The following MNAT1 variants were observed in gnomAD, a reference collection of about 807,000 sequenced individuals.
The protein encoded by MNAT1 is MNAT1 component of CDK activating kinase.
A neutral mutation model predicts 42.0 loss-of-function variants in MNAT1; 43 were observed. The observed-to-expected ratio is 1.02, with a 90% CI of 0.80 to 1.32. The LOEUF (loss-of-function observed/expected upper bound fraction) is 1.32. MNAT1 is among the 40% of genes most tolerant of loss of function. The pLI is 0.00. For synonymous variants in MNAT1, 118 were observed against 120.0 expected, an observed-to-expected ratio of 0.98 and a Z score of 0.11; for missense variants, 306 against 350.4, an observed-to-expected ratio of 0.87 and a Z score of 1.01.
chr14:60,955,650 A>G (rs187630999), intron 7 of MNAT1, among the ~76,000 whole-genome samples: 6 of 152,320 alleles, frequency 3.9e-5, no homozygotes, highest in African/African-American at 1.2e-4. Flanking sequence ...AACAAGAACA[A>G]AACTCTGTCT....
intron 6 of MNAT1, among the ~76,000 whole-genome samples, chr14:60,832,141 C>G (rs1251844020): frequency 6.6e-6 from 1 of 152,186 alleles, no homozygotes; most frequent in Non-Finnish European, 1.5e-5. Flanking sequence ...CCTATTCACT[C>G]TGATGACAGT....
intron 7 of MNAT1, among the ~76,000 whole-genome samples, chr14:60,956,029 T>A (rs2036482002): frequency 6.6e-6 from 1 of 152,136 alleles, no homozygotes; most frequent in Non-Finnish European, 1.5e-5. Context: ...CTGATCTTTA[T>A]TTCCATCCTG....
chr14:60,885,285 A>C (rs1293791475), intron 7 of MNAT1, among the ~76,000 whole-genome samples: 3 of 151,364 alleles, frequency 2.0e-5, no homozygotes, highest in South Asian at 2.1e-4. Context: ...TTCTACCCTC[A>C]TCTCTCTCTC....
intron 1 of MNAT1, among the ~76,000 whole-genome samples, chr14:60,781,975 T>TGA (rs1566763317): frequency 0.19 from 24,292 of 128,866 alleles, 2,304 homozygotes; most frequent in Non-Finnish European, 0.25. Context: ...GTGTGTGTGA[T>TGA]TTTTTTTTTT....
intron 1 of MNAT1, among the ~76,000 whole-genome samples, chr14:60,766,918 A>G (rs921550923): frequency 3.3e-5 from 5 of 152,234 alleles, no homozygotes; most frequent in Non-Finnish European, 7.3e-5. Flanking sequence ...AAATGCAAGA[A>G]TAAATATTCT....
chr14:60,946,514 C>CTTTTTG (rs530212803), intron 7 of MNAT1, among the ~76,000 whole-genome samples: 1 of 151,988 alleles, frequency 6.6e-6, no homozygotes, highest in African/African-American at 2.4e-5. Context: ...ACACTACTTC[C>CTTTTTG]TTTTTGTTTT....
intron 1 of MNAT1, among the ~76,000 whole-genome samples, chr14:60,754,532 G>C (rs572622251): frequency 6.6e-6 from 1 of 151,806 alleles, no homozygotes; most frequent in East Asian, 1.9e-4. Context: ...TTTATTTTTA[G>C]TAGAGACGGG....
At chr14:60,753,072 GTTAT>G (rs2030170097) in intron 1 of MNAT1, among the ~76,000 whole-genome samples, 1 of 152,186 alleles carries the variant, frequency 6.6e-6, no homozygotes, top group East Asian at 1.9e-4. Context: ...GCTTGCACTA[GTTAT>G]TTATTGCTGT....
chr14:60,926,791 C>A (rs1306311887), intron 7 of MNAT1, among the ~76,000 whole-genome samples: 2 of 152,140 alleles, frequency 1.3e-5, no homozygotes, highest in African/African-American at 4.8e-5. Flanking sequence ...CAACCTTCAG[C>A]CTCCTCCCTT....
chr14:60,769,019 A>G (rs889192640), intron 1 of MNAT1, among the ~76,000 whole-genome samples: 4 of 152,206 alleles, frequency 2.6e-5, no homozygotes, highest in African/African-American at 9.7e-5. Flanking sequence ...TTTAATGAAT[A>G]ATGAAAACAA....
At chr14:60,917,434 G>A (rs578194053) in intron 7 of MNAT1, among the ~76,000 whole-genome samples, 21 of 152,086 alleles carry the variant, frequency 1.4e-4, no homozygotes, top group Non-Finnish European at 7.4e-5. Context: ...TAAATATAGC[G>A]CAATCAAATT....
At chr14:60,880,377 GGT>G (rs2034524620) in intron 7 of MNAT1, among the ~76,000 whole-genome samples, 2 of 152,060 alleles carry the variant, frequency 1.3e-5, no homozygotes, top group South Asian at 4.1e-4. Flanking sequence ...ATGGAGAGAT[GGT>G]TATAGTCTCT....
chr14:60,752,878 C>T (rs2030159580), intron 1 of MNAT1, among the ~76,000 whole-genome samples: 1 of 152,172 alleles, frequency 6.6e-6, no homozygotes, highest in South Asian at 2.1e-4. Flanking sequence ...AGTTCTCCTG[C>T]CTCAGCTTCC....
At chr14:60,783,051 A>T (rs1205868182) in intron 1 of MNAT1, among the ~76,000 whole-genome samples, 3 of 152,292 alleles carry the variant, frequency 2.0e-5, no homozygotes, top group African/African-American at 2.4e-5. Context: ...TCCCTAGTAG[A>T]TGTTCGTAGG....
chr14:60,889,179 A>C (rs561449781), intron 7 of MNAT1, among the ~76,000 whole-genome samples: 87 of 152,332 alleles, frequency 5.7e-4, no homozygotes, highest in Middle Eastern at 3.4e-3. Context: ...TGGAGGCATC[A>C]CACTACCTGA....
chr14:60,937,718 T>A (rs567169937), intron 7 of MNAT1, among the ~76,000 whole-genome samples: 1 of 151,540 alleles, frequency 6.6e-6, no homozygotes, highest in South Asian at 2.1e-4. Flanking sequence ...TGCGGGCTCT[T>A]TTTTGGTTCC....
intron 7 of MNAT1, among the ~76,000 whole-genome samples, chr14:60,899,145 T>G (rs572791697): frequency 2.6e-5 from 4 of 152,168 alleles, no homozygotes; most frequent in Non-Finnish European, 5.9e-5. Flanking sequence ...TAATTTCATG[T>G]AGAGCTTGTC....
At chr14:60,922,072 G>A (rs979917536) in intron 7 of MNAT1, among the ~76,000 whole-genome samples, 7 of 152,030 alleles carry the variant, frequency 4.6e-5, no homozygotes, top group African/African-American at 7.2e-5. Flanking sequence ...AATAAATGTC[G>A]GAAAAAAAGT....
intron 7 of MNAT1, among the ~76,000 whole-genome samples, chr14:60,914,731 A>G (rs1271499949): frequency 1.3e-5 from 2 of 152,236 alleles, no homozygotes; most frequent in South Asian, 2.1e-4. Flanking sequence ...AGTAGGCTAT[A>G]GAGCCTTAGG....
Sources: allele counts gnomAD v4.1 joint callset (sites outside exome capture counted in the v4.1 genomes callset), GRCh38; gene constraint gnomAD v4.1.1; transcripts MANE v1.5; gene names NCBI Gene and HGNC (gene_info 2026-07-23, HGNC 2026-07-21).